Variants in GOLM2 observed in about 807,000 individuals in gnomAD.
GOLM2 encodes the protein protein GOLM2.
Under a neutral mutation model 55.9 loss-of-function variants are expected in GOLM2, and 26 were observed. The observed-to-expected ratio is 0.47, with a 90% CI of 0.34 to 0.65. The LOEUF is 0.65. Ranked by LOEUF, GOLM2 falls within the 30% of genes least tolerant of loss-of-function variation. The probability of loss-of-function intolerance (pLI) is 0.01; values close to 1 mark genes in which losing one functional copy is unlikely to be tolerated. For missense variants in GOLM2, 486 were observed against 531.8 expected, an observed-to-expected ratio of 0.91 and a Z score of 0.85; for synonymous variants, 165 against 194.6, an observed-to-expected ratio of 0.85 and a Z score of 1.27.
At chr15:44,310,299 A>G (rs1255078317) in intron 1 of GOLM2, among the ~76,000 whole-genome samples, 1 of 151,892 alleles carries the variant, frequency 6.6e-6, no homozygotes, top group Non-Finnish European at 1.5e-5. Flanking sequence ...GAGAAGAGCA[A>G]TTAAAATCAC....
intron 6 of GOLM2, among the ~76,000 whole-genome samples, chr15:44,345,502 C>T (rs1050538025): frequency 2.6e-5 from 4 of 152,100 alleles, no homozygotes; most frequent in East Asian, 3.9e-4. Context: ...TCAGGTAATC[C>T]GTCCGCCTCG....
intron 1 of GOLM2, among the ~76,000 whole-genome samples, chr15:44,311,549 G>A (rs578041189): frequency 6.6e-6 from 1 of 152,038 alleles, no homozygotes; most frequent in East Asian, 1.9e-4. Flanking sequence ...ACAGTCCTTC[G>A]AAGGGCCTGG....
intron 1 of GOLM2, among the ~76,000 whole-genome samples, chr15:44,292,221 A>G (rs950838642): frequency 1.4e-5 from 2 of 138,254 alleles, no homozygotes; most frequent in Non-Finnish European, 3.0e-5. Flanking sequence ...TTTTTTAGAC[A>G]GAGTCTCGCT....
chr15:44,304,349 C>G (rs906656612), intron 1 of GOLM2, among the ~76,000 whole-genome samples: 3 of 143,074 alleles, frequency 2.1e-5, no homozygotes, highest in Admixed American at 1.5e-4. Context: ...TCAAGCAATT[C>G]TCTTGTCTCA....
chr15:44,380,814 A>C lies in GOLM2; in HGVS notation c.910A>C (p.Ile304Leu). 1 of 1,538,696 alleles carries C rather than the reference A, an allele frequency of 6.5e-7. No homozygotes were observed. Among genetic ancestry groups the C allele is most frequent in the Non-Finnish European group, 8.7e-7 (1 of 1,144,144 alleles). ...ATGTTTTTATGCCACAGATTCACACATAAACCACAATGGAAACCCCGGTAC... is the reference window on the plus strand; with the variant it reads ...ATGTTTTTATGCCACAGATTCACACCTAAACCACAATGGAAACCCCGGTAC... ...LSPNMPPDSH[I>L]NHNGNPGTSK... Residue 304 changes from isoleucine (I) to leucine (L), a missense_variant, in exon 8 of 10, where the codon ATA becomes CTA. Coordinates refer to ENST00000299957, the MANE Select transcript of GOLM2 (RefSeq NM_138423.4).
At chr15:44,412,166 C>T (rs2079642616) in intron 9 of GOLM2, among the ~76,000 whole-genome samples, 1 of 151,790 alleles carries the variant, frequency 6.6e-6, no homozygotes, top group Admixed American at 6.6e-5. Context: ...GATTCTGTCT[C>T]AGAAAAACAA....
intron 1 of GOLM2, among the ~76,000 whole-genome samples, chr15:44,317,992 G>A (rs945983238): frequency 7.2e-5 from 11 of 151,896 alleles, no homozygotes; most frequent in Admixed American, 2.6e-4. Context: ...TATTAGTTTA[G>A]ACCAGAAATT....
Position 44,288,791 on chromosome 15 carries a change from G to T in GOLM2, c.-239G>T, listed in dbSNP as rs1300650092. The T allele has an allele frequency of 1.8e-5, 10 of 551,530 alleles. No individual in the cohort carries two copies. Among genetic ancestry groups the T allele is most frequent in the African/African-American group, 5.9e-5 (3 of 50,472 alleles). The allele number at this position is 551,530 out of a possible 1,614,324, so 34.2% of individuals were successfully genotyped here. ...GGGTTCTCCCGGTTCCCTTGGGCAG[G>T]TGCAGGGTCGGGTTCAAAGCCTCCG... On this transcript the variant is annotated 5_prime_UTR_variant, in exon 1 of 10. Transcript: ENST00000299957.
intron 1 of GOLM2, among the ~76,000 whole-genome samples, chr15:44,297,954 G>A (rs566263960): frequency 1.1e-4 from 16 of 139,794 alleles, no homozygotes; most frequent in Admixed American, 1.5e-4. Flanking sequence ...TGCAACCTCC[G>A]CCTCCCGGGT....
chr15:44,296,141 C>T (rs572501111), intron 1 of GOLM2, among the ~76,000 whole-genome samples: 2 of 152,274 alleles, frequency 1.3e-5, no homozygotes, highest in African/African-American at 2.4e-5. Flanking sequence ...GCCAGGAACT[C>T]CTGGTCTCAA....
At chr15:44,402,742 A>G (rs1595668935) in intron 8 of GOLM2, 145 bp from the exon 9 acceptor site, 1 of 620,294 alleles carries the variant, frequency 1.6e-6, no homozygotes, top group Non-Finnish European at 2.7e-6. Flanking sequence ...TTTGTCTTGG[A>G]TAACCTTCAC....
At chr15:44,368,994 A>G (rs1012623973) in intron 6 of GOLM2, among the ~76,000 whole-genome samples, 2 of 140,796 alleles carry the variant, frequency 1.4e-5, no homozygotes, top group Non-Finnish European at 3.0e-5. Flanking sequence ...CAGACAAATT[A>G]CTGGAGGAGC....
At chr15:44,291,490 C>T (rs966697111) in intron 1 of GOLM2, among the ~76,000 whole-genome samples, 2 of 152,210 alleles carry the variant, frequency 1.3e-5, no homozygotes, top group Admixed American at 1.3e-4. Context: ...CTTAAAATGT[C>T]TGCCATCTTT....
At chr15:44,343,445 A>G (rs971363039) in intron 6 of GOLM2, among the ~76,000 whole-genome samples, 2 of 152,094 alleles carry the variant, frequency 1.3e-5, no homozygotes, top group African/African-American at 4.8e-5. Context: ...GAGTATGCCA[A>G]AATTCTTAAT....
chr15:44,324,714 TGAAA>T (rs769598864), intron 2 of GOLM2, among the ~76,000 whole-genome samples: 28 of 152,180 alleles, frequency 1.8e-4, no homozygotes, highest in Non-Finnish European at 3.2e-4. Context: ...TGCCTGTTAC[TGAAA>T]GAAAGTTCAA....
chr15:44,303,102 C>CAATA (rs71111853), intron 1 of GOLM2, among the ~76,000 whole-genome samples: 7,522 of 146,952 alleles, frequency 0.051, 231 homozygotes, highest in African/African-American at 0.081. Context: ...TACTCCATCT[C>CAATA]AATAAATAAA....
At chr15:44,292,874 G>A (rs2078730979) in intron 1 of GOLM2, among the ~76,000 whole-genome samples, 1 of 152,072 alleles carries the variant, frequency 6.6e-6, no homozygotes, top group Non-Finnish European at 1.5e-5. Context: ...GAGAGCAGTG[G>A]TGCGATCATA....
chr15:44,379,408 G>A (rs1209509908), intron 6 of GOLM2, among the ~76,000 whole-genome samples: 1 of 152,098 alleles, frequency 6.6e-6, no homozygotes, highest in Non-Finnish European at 1.5e-5. Flanking sequence ...AACGCGGGAG[G>A]CAGAGGTTGC....
intron 6 of GOLM2, among the ~76,000 whole-genome samples, chr15:44,378,176 G>C (rs981770394): frequency 6.6e-6 from 1 of 151,380 alleles, no homozygotes; most frequent in Non-Finnish European, 1.5e-5. Context: ...AGCCTCCCAA[G>C]TAGCTGGGAC....
Sources: gnomAD v4.1 joint callset for allele counts (sites outside exome capture counted in the v4.1 genomes callset) on GRCh38, gnomAD v4.1.1 for gene constraint, MANE v1.5 for transcripts, NCBI Gene and HGNC (gene_info 2026-07-23, HGNC 2026-07-21) for gene names.